The following CDC73 variants were observed in gnomAD, a reference collection of about 807,000 sequenced individuals.
CDC73 encodes cell division cycle 73, also known as parafibromin.
CDC73 carries 21 observed loss-of-function variants against 83.7 expected under a neutral mutation model. The ratio of observed to expected loss-of-function variants is 0.25; its 90% CI spans 0.18 to 0.36. The LOEUF is 0.36. Among genes scored for constraint, CDC73 ranks in the 10% least tolerant of loss-of-function variants. The probability of loss-of-function intolerance (pLI) is 1.00; values close to 1 mark genes in which losing one functional copy is unlikely to be tolerated. For synonymous variants in CDC73, 224 were observed against 212.9 expected (o/e 1.05, Z -0.45); for missense variants, 342 against 653.3 (o/e 0.52, Z 5.19).
In CDC73 at chr1:193,147,942, C is replaced by G. The variant is rs1572158663; in HGVS notation, c.805C>G (p.Pro269Ala). ...AGAAGGGCGTGCACCTGAACAGCGA[C>G]CTGCCCCAAATGCAGCACCTGTGGT... The part of the protein sequence containing the change: ...REEGRAPEQR[P>A]APNAAPVDPT... Residue 269 changes from proline to alanine, a missense_variant, in exon 8 of 17, where the codon CCT becomes GCT. Transcript: ENST00000367435. 1 of 1,612,880 alleles carries G rather than the reference C, an allele frequency of 6.2e-7. No individual in the cohort carries two copies. Among genetic ancestry groups the G allele is most frequent in the South Asian group, 1.1e-5 (1 of 91,040 alleles).
intron 15 of CDC73, among the ~76,000 whole-genome samples, chr1:193,240,975 A>C (rs1677846743): frequency 6.6e-6 from 1 of 152,016 alleles, no homozygotes; most frequent in South Asian, 2.1e-4. Context: ...CTGTGACATC[A>C]TTATTTTGAA....
intron 10 of CDC73, among the ~76,000 whole-genome samples, chr1:193,168,940 A>C (rs1676476898): frequency 6.6e-6 from 1 of 152,220 alleles, no homozygotes; most frequent in South Asian, 2.1e-4. Flanking sequence ...TTTACATTTT[A>C]AATAATACTT....
intron 7 of CDC73, among the ~76,000 whole-genome samples, chr1:193,145,706 G>C (rs537151588): frequency 6.6e-6 from 1 of 152,222 alleles, no homozygotes; most frequent in East Asian, 1.9e-4. Flanking sequence ...AGAGTGCAAA[G>C]GGGTCCTGAG....
At chr1:193,235,255 CTTCTTCCTT>C (rs1376498729) in intron 14 of CDC73, among the ~76,000 whole-genome samples, 1 of 152,158 alleles carries the variant, frequency 6.6e-6, no homozygotes, top group Non-Finnish European at 1.5e-5. Context: ...CTCTTCTTCT[CTTCTTCCTT>C]TTCTCTGTAC....
Position 193,234,220 on chromosome 1 carries a change from C to CACAT in CDC73, c.1316+1067_1316+1068insCATA, listed in dbSNP as rs1553291178. Among the ~76,000 whole-genome samples the CACAT allele has an allele frequency of 5.7e-3, 180 of 31,690 alleles. 1 individual carries two copies. Among genetic ancestry groups the CACAT allele is most frequent in the African/African-American group, 0.014 (155 of 10,800 alleles). 20.8% of individuals were successfully genotyped at this position (31,690 alleles called of 152,430 possible). On this transcript the variant is annotated intron_variant, in intron 14 of 16. Transcript: ENST00000367435. ...ACACACACACACACACACACACACACATATATATATTTAAAATTTATATAT... is the reference window on the plus strand; with the variant it reads ...ACACACACACACACACACACACACACACATATATATATATTTAAAATTTATATAT...
intron 6 of CDC73, among the ~76,000 whole-genome samples, chr1:193,138,805 C>T (rs891146570): frequency 3.3e-5 from 3 of 90,416 alleles, no homozygotes; most frequent in East Asian, 2.7e-4. Context: ...GACGGAGTTT[C>T]ACTTTTTCAC....
At chr1:193,166,614 T>C (rs1425908778) in intron 10 of CDC73, among the ~76,000 whole-genome samples, 2 of 152,060 alleles carry the variant, frequency 1.3e-5, no homozygotes, top group African/African-American at 4.8e-5. Context: ...TAGGTGCTTA[T>C]GTAACAAGAG....
At chr1:193,225,138 G>A (rs989082994) in intron 13 of CDC73, among the ~76,000 whole-genome samples, 2 of 151,314 alleles carry the variant, frequency 1.3e-5, no homozygotes, top group Non-Finnish European at 1.5e-5. Flanking sequence ...TCGATGTTTG[G>A]TTTTCCATTC....
intron 13 of CDC73, among the ~76,000 whole-genome samples, chr1:193,216,858 A>G (rs1677376928): frequency 6.6e-6 from 1 of 152,222 alleles, no homozygotes; most frequent in African/African-American, 2.4e-5. Context: ...TCATCTCAGT[A>G]GATGCAGAAA....
intron 10 of CDC73, chr1:193,180,490 G>T: frequency 6.2e-7 from 1 of 1,613,964 alleles, no homozygotes; most frequent in Non-Finnish European, 8.5e-7. Context: ...CTCATTGGGA[G>T]GGGGTACAGG....
At chr1:193,187,102 T>TCTTCCCCCC (rs1676824843) in intron 10 of CDC73, among the ~76,000 whole-genome samples, 1 of 32,876 alleles carries the variant, frequency 3.0e-5, no homozygotes, top group African/African-American at 1.0e-4. Flanking sequence ...GTAATTTAGA[T>TCTTCCCCCC]CCCCCCCCCC....
intron 7 of CDC73, 54 bp downstream of exon 7, chr1:193,142,120 C>A (rs1186650667): frequency 8.3e-6 from 11 of 1,327,398 alleles, no homozygotes; most frequent in African/African-American, 1.4e-5. Context: ...AGAGAGAGTG[C>A]GTTTAATCTG....
At chr1:193,134,188 A>C (rs1371691623) in intron 3 of CDC73, among the ~76,000 whole-genome samples, 1 of 152,048 alleles carries the variant, frequency 6.6e-6, no homozygotes, top group East Asian at 1.9e-4. Context: ...CTTTAAAAAA[A>C]CTTGCCATTA....
At position 193,254,540 on chromosome 1, in the gene CDC73, A is replaced by T. The variant is rs1275640086; in HGVS notation, c.*3828A>T. ...CATATTTGTTGGCACATTTGCAAGT[A>T]TGTTGATCCCAGCATTGTTTATATC... On this transcript the variant is annotated 3_prime_UTR_variant, in exon 17 of 17. Coordinates refer to ENST00000367435, the MANE Select transcript of CDC73 (RefSeq NM_024529.5). 6.6e-6 allele frequency among the ~76,000 whole-genome samples: 1 copy of T among 152,176 alleles called. No homozygotes were observed.
At chr1:193,151,829 T>A (rs1676118197) in intron 9 of CDC73, among the ~76,000 whole-genome samples, 1 of 151,730 alleles carries the variant, frequency 6.6e-6, no homozygotes. Context: ...GAGGCTGAGG[T>A]GGGAGGATTG....
chr1:193,230,457 A>ATTTTTTTTT (rs752027731), intron 13 of CDC73, among the ~76,000 whole-genome samples: 1 of 90,718 alleles, frequency 1.1e-5, no homozygotes, highest in African/African-American at 4.9e-5. Flanking sequence ...CTAATCCCGT[A>ATTTTTTTTT]TTTTTTTTTT....
At chr1:193,226,882 A>G (rs1341113736) in intron 13 of CDC73, among the ~76,000 whole-genome samples, 3 of 152,150 alleles carry the variant, frequency 2.0e-5, no homozygotes, top group Admixed American at 6.5e-5. Context: ...AATAGCGTCA[A>G]AAGGATTGGT....
intron 13 of CDC73, 71 bp from the exon 14 acceptor site, chr1:193,232,922 A>G: frequency 2.2e-6 from 3 of 1,364,046 alleles, no homozygotes; most frequent in Non-Finnish European, 3.1e-6. Context: ...AAATATTTCA[A>G]ATTATAGTTT....
intron 15 of CDC73, among the ~76,000 whole-genome samples, chr1:193,238,615 C>A (rs1226035979): frequency 6.6e-6 from 1 of 152,150 alleles, no homozygotes. Flanking sequence ...TCCCATATAA[C>A]TTTTGACTTA....
Sources: allele counts gnomAD v4.1 joint callset (sites outside exome capture counted in the v4.1 genomes callset), GRCh38; gene constraint gnomAD v4.1.1; transcripts MANE v1.5; gene names NCBI Gene and HGNC (gene_info 2026-07-23, HGNC 2026-07-21).